The following DLGAP2 variants were observed in gnomAD, a reference collection of about 807,000 sequenced individuals.
DLGAP2 encodes the protein DLG associated protein 2, also known as disks large-associated protein 2.
A neutral mutation model predicts 100.3 loss-of-function variants in DLGAP2; 26 were observed. That is an observed-to-expected ratio of 0.26 (90% confidence interval 0.19 to 0.36). DLGAP2 has a LOEUF of 0.36. DLGAP2 is among the 10% of genes least tolerant of loss of function. The pLI is 1.00. For synonymous variants in DLGAP2, 886 were observed against 630.1 expected, an observed-to-expected ratio of 1.41 and a Z score of -6.08; for missense variants, 1,858 against 1,453.2, an observed-to-expected ratio of 1.28 and a Z score of -4.53.
chr8:1,226,741 C>G (rs754892933), intron 2 of DLGAP2, among the ~76,000 whole-genome samples: 1 of 152,054 alleles, frequency 6.6e-6, no homozygotes, highest in Non-Finnish European at 1.5e-5. Context: ...GCTTTTCACA[C>G]AACTGTTGAA....
Position 1,549,628 on chromosome 8 carries a change from A to G in DLGAP2, c.1175A>G (p.Lys392Arg). The G allele has an allele frequency of 8.8e-6, 14 of 1,586,816 alleles. No homozygotes were observed. Among genetic ancestry groups the G allele is most frequent in the Non-Finnish European group, 1.2e-5 (14 of 1,168,146 alleles). Residue 392 changes from lysine to arginine, a missense_variant, in exon 5 of 15, where the codon AAG becomes AGG. By Grantham distance (26) the Lys-to-Arg change is conservative. Transcript: ENST00000637795. ...AYRKSSLNLDKPLLHQDAKPA... is the reference protein window; with the variant it reads ...AYRKSSLNLDRPLLHQDAKPA... ...CGCAAGAGCTCGCTGAACCTGGACA[A>G]GCCGCTGCTGCACCAGGACGCCAAG...
intron 3 of DLGAP2, among the ~76,000 whole-genome samples, chr8:1,261,339 AGCGAG>A (rs1799344947): frequency 1.3e-5 from 2 of 150,536 alleles, no homozygotes; most frequent in African/African-American, 4.9e-5. Flanking sequence ...AGATATTTAA[AGCGAG>A]ACAGACTGGG....
At chr8:1,291,121 A>G (rs577789603) in intron 3 of DLGAP2, among the ~76,000 whole-genome samples, 1 of 152,340 alleles carries the variant, frequency 6.6e-6, no homozygotes, top group African/African-American at 2.4e-5. Flanking sequence ...AGAAAACTTA[A>G]TATCTAGGTA....
intron 2 of DLGAP2, among the ~76,000 whole-genome samples, chr8:1,067,236 G>A (rs1272038697): frequency 6.6e-6 from 1 of 152,198 alleles, no homozygotes; most frequent in African/African-American, 2.4e-5. Flanking sequence ...CCAGTTCCTG[G>A]GCTTCCTCCC....
chr8:773,453 C>T (rs370914196), intron 1 of DLGAP2, among the ~76,000 whole-genome samples: 6 of 151,498 alleles, frequency 4.0e-5, no homozygotes, highest in East Asian at 1.9e-4. Context: ...CTCACTAACT[C>T]GTCATCTAGC....
At chr8:1,475,408 A>G (rs567624960) in intron 3 of DLGAP2, among the ~76,000 whole-genome samples, 1 of 152,284 alleles carries the variant, frequency 6.6e-6, no homozygotes, top group African/African-American at 2.4e-5. Flanking sequence ...ATACCTTTTC[A>G]TCCCCCTGAA....
At chr8:1,136,506 T>C (rs1222834907) in intron 2 of DLGAP2, among the ~76,000 whole-genome samples, 6 of 152,112 alleles carry the variant, frequency 3.9e-5, no homozygotes, top group Non-Finnish European at 8.8e-5. Flanking sequence ...AATCAAAGCT[T>C]CCTTCGTGAG....
At chr8:1,264,146 A>G (rs1298169457) in intron 3 of DLGAP2, among the ~76,000 whole-genome samples, 1 of 146,936 alleles carries the variant, frequency 6.8e-6, no homozygotes, top group Non-Finnish European at 1.5e-5. Flanking sequence ...ATTTCAGTGC[A>G]TAGTTGAGCT....
At chr8:1,169,562 C>G (rs1797086426) in intron 2 of DLGAP2, among the ~76,000 whole-genome samples, 1 of 152,140 alleles carries the variant, frequency 6.6e-6, no homozygotes, top group African/African-American at 2.4e-5. Flanking sequence ...TTTCACTGAG[C>G]AGTGGTTTTT....
At chr8:1,007,258 CGGGTTGTCTCT>C (rs1242478910) in intron 2 of DLGAP2, among the ~76,000 whole-genome samples, 2 of 152,204 alleles carry the variant, frequency 1.3e-5, no homozygotes, top group Non-Finnish European at 2.9e-5. Flanking sequence ...CGTGTCTGCA[CGGGTTGTCTCT>C]GTGACTGCTG....
chr8:1,603,984 G>A (rs187670206), intron 6 of DLGAP2, among the ~76,000 whole-genome samples: 31 of 152,140 alleles, frequency 2.0e-4, no homozygotes, highest in African/African-American at 5.1e-4. Context: ...CCCAGCCACC[G>A]CGTCGGCACC....
intron 8 of DLGAP2, among the ~76,000 whole-genome samples, chr8:1,660,350 G>T (rs1198911218): frequency 6.6e-6 from 1 of 152,118 alleles, no homozygotes; most frequent in Non-Finnish European, 1.5e-5. Context: ...AATAACTGCT[G>T]TATTATTTGT....
chr8:994,067 G>T (rs568910977), intron 2 of DLGAP2, among the ~76,000 whole-genome samples: 1 of 152,100 alleles, frequency 6.6e-6, no homozygotes, highest in Non-Finnish European at 1.5e-5. Flanking sequence ...ACAGTACTAT[G>T]GTGGTTTTTG....
intron 6 of DLGAP2, among the ~76,000 whole-genome samples, chr8:1,605,271 C>G (rs1219691859): frequency 6.6e-6 from 1 of 152,180 alleles, no homozygotes; most frequent in African/African-American, 2.4e-5. Context: ...ACACAGCTCC[C>G]TACTACTCAG....
chr8:1,662,123 C>T (rs971417811), intron 8 of DLGAP2, among the ~76,000 whole-genome samples: 11 of 152,198 alleles, frequency 7.2e-5, no homozygotes, highest in African/African-American at 2.4e-4. Context: ...ATCAGTGGGT[C>T]CCACACACCT....
chr8:1,653,286 G>A (rs1038435529), intron 8 of DLGAP2, among the ~76,000 whole-genome samples: 5 of 150,904 alleles, frequency 3.3e-5, no homozygotes, highest in African/African-American at 1.2e-4. Context: ...ATTGGTTCTT[G>A]GTGCTGGCCC....
intron 2 of DLGAP2, among the ~76,000 whole-genome samples, chr8:1,009,750 A>G (rs1801223147): frequency 1.3e-5 from 2 of 152,158 alleles, no homozygotes; most frequent in African/African-American, 4.8e-5. Flanking sequence ...GCCACCTCTC[A>G]TTTGTCTCCA....
At chr8:847,375 A>T (rs1797090074) in intron 1 of DLGAP2, among the ~76,000 whole-genome samples, 1 of 152,198 alleles carries the variant, frequency 6.6e-6, no homozygotes, top group Non-Finnish European at 1.5e-5. Context: ...TTTGACTAAA[A>T]TTAAAAAGTT....
At chr8:998,360 G>T (rs1021879739) in intron 2 of DLGAP2, among the ~76,000 whole-genome samples, 1 of 152,190 alleles carries the variant, frequency 6.6e-6, no homozygotes, top group African/African-American at 2.4e-5. Context: ...GAGTGCAGTG[G>T]CGTGGTCCTA....
Sources: gnomAD v4.1 joint callset for allele counts (sites outside exome capture counted in the v4.1 genomes callset) on GRCh38, gnomAD v4.1.1 for gene constraint, MANE v1.5 for transcripts, NCBI Gene and HGNC (gene_info 2026-07-23, HGNC 2026-07-21) for gene names.